The following FLT4 variants were observed in gnomAD, a reference collection of about 807,000 sequenced individuals.
FLT4 encodes fms related receptor tyrosine kinase 4.
Under a neutral mutation model 163.2 loss-of-function variants are expected in FLT4, and 30 were observed. The ratio of observed to expected loss-of-function variants is 0.18; its 90% CI spans 0.14 to 0.25. The LOEUF (loss-of-function observed/expected upper bound fraction) is 0.25. Among genes scored for constraint, FLT4 ranks in the 10% least tolerant of loss-of-function variants. FLT4 has a pLI of 1.00. For synonymous variants in FLT4, 884 were observed against 789.5 expected (o/e 1.12, Z -2.01); for missense variants, 1,510 against 1,863.8 (o/e 0.81, Z 3.50).
chr5:180,646,090 T>A (rs1006461474), intron 1 of FLT4, among the ~76,000 whole-genome samples: 37 of 152,056 alleles, frequency 2.4e-4, no homozygotes, highest in African/African-American at 8.9e-4. Context: ...TTCCCCTCTG[T>A]CCCATCATAC....
At chr5:180,631,130 G>C (rs1764090225) in intron 2 of FLT4, among the ~76,000 whole-genome samples, 1 of 152,066 alleles carries the variant, frequency 6.6e-6, no homozygotes, top group Admixed American at 6.5e-5. Context: ...CCTGGGGTCA[G>C]TGTGAGGTGT....
intron 1 of FLT4, among the ~76,000 whole-genome samples, chr5:180,639,413 G>T (rs2127858976): frequency 6.6e-6 from 1 of 151,966 alleles, no homozygotes; most frequent in Non-Finnish European, 1.5e-5. Context: ...ATGGATGAGT[G>T]GATAAAAAGA....
chr5:180,624,148 C>A (rs909023105), intron 10 of FLT4, 87 bp from the exon 11 acceptor site: 47 of 1,514,414 alleles, frequency 3.1e-5, no homozygotes, highest in Admixed American at 6.9e-5. Flanking sequence ...CTTGTCATAT[C>A]CAGTCACCTT....
At position 180,629,263 on chromosome 5, in the gene FLT4, C is replaced by A; in HGVS notation, c.981G>T (p.Val327=). 6.2e-7 allele frequency: 1 copy of A among 1,613,024 alleles called. No individual in the cohort carries two copies. ...CCCTGGTTTCCCAGGCCATACCATG[C>A]ACAATGACCTCGGTGCTCTCCCGAA... ...QRFRESTEVI[V]HENPFISVEW... Residue 327 remains valine, a synonymous_variant, in exon 7 of 30, where the codon GTG becomes GTT. Transcript: ENST00000261937.
chr5:180,629,273 T>A lies in FLT4; in HGVS notation c.971A>T (p.Glu324Val). Reference protein sequence around the residue: ...NGIQRFRESTEVIVHENPFIS... With the variant: ...NGIQRFRESTVVIVHENPFIS... ...CCAGGCCATACCATGCACAATGACC[T>A]CGGTGCTCTCCCGAAATCGCTGGAT... is the stretch of plus-strand genomic sequence containing the variant. The change falls in exon 7 of 30, where the codon GAG becomes GTG. Residue 324 changes from glutamate to valine, a missense_variant. Physicochemically the swap from Glu to Val is moderately radical, Grantham distance 121 (BLOSUM62 -2). Around this residue, in one of 5 missense-constraint regions of FLT4, gnomAD observed 163 missense variants for 281.1 expected, o/e 0.58. Transcript: ENST00000261937. 2 of 1,613,064 alleles carry A rather than the reference T, an allele frequency of 1.2e-6. No homozygotes were observed. The highest frequency in any genetic ancestry group is 8.5e-7 in the Non-Finnish European group (1 of 1,179,978).
At position 180,631,781 on chromosome 5, in the gene FLT4, G is replaced by A. The variant is rs1223062348; in HGVS notation, c.59-3C>T. The stretch of plus-strand genomic sequence containing the variant: ...CATGGAGTAGCCACTCACCAGGCCT[G>A]GGGTGGGAGACAGGGTCAGCGTGGT... On this transcript the variant is annotated splice_region_variant and splice_polypyrimidine_tract_variant and intron_variant, in intron 1 of 29. Transcript: ENST00000261937. 1.2e-6 allele frequency: 2 copies of A among 1,603,832 alleles called. No individual in the cohort carries two copies. The highest frequency in any genetic ancestry group is 8.5e-7 in the Non-Finnish European group (1 of 1,175,280).
intron 26 of FLT4, chr5:180,611,692 C>T (rs1581618208): frequency 6.5e-6 from 4 of 614,584 alleles, no homozygotes; most frequent in Non-Finnish European, 1.2e-5. Context: ...AGATAGGGCC[C>T]TAACAGACCA....
In FLT4 at chr5:180,623,814, C is replaced by T; in HGVS notation, c.1548+121G>A. The T allele has an allele frequency of 1.5e-6, 2 of 1,305,662 alleles. No homozygotes were observed. Among genetic ancestry groups the T allele is most frequent in the Non-Finnish European group, 2.2e-6 (2 of 909,358 alleles). 80.9% of individuals were successfully genotyped at this position (1,305,662 alleles called of 1,614,324 possible). ...AGGCCTACAGACTGCAGGAAGGTCA[C>T]CCGCTCTCGGCTGCTCTGCCCAGCA... On this transcript the variant is annotated intron_variant, in intron 11 of 29. Coordinates refer to ENST00000261937, the MANE Select transcript of FLT4 (RefSeq NM_182925.5). This position sits in a 1 kb window ranked among gnomAD's most constrained non-coding sequence, Gnocchi z 5.8.
At position 180,636,177 on chromosome 5, in the gene FLT4, G is replaced by A. The variant is rs566070201; in HGVS notation, c.59-4399C>T. Among the ~76,000 whole-genome samples, 42 of 152,142 alleles carry A rather than the reference G, an allele frequency of 2.8e-4. No homozygotes were observed. The South Asian group carries it at 4.4e-3, about 16-fold the overall frequency. On this transcript the variant is annotated intron_variant, in intron 1 of 29. Transcript: ENST00000261937. This position sits in a 1 kb window ranked among gnomAD's most constrained non-coding sequence, Gnocchi z 4.3. ...CTTGCCAACCCTTTTGCCCATCCACGCAAGCTTTTTCATGACATGTCTCCT... is the reference window on the plus strand; with the variant it reads ...CTTGCCAACCCTTTTGCCCATCCACACAAGCTTTTTCATGACATGTCTCCT...
At chr5:180,632,101 G>T (rs946610812) in intron 1 of FLT4, among the ~76,000 whole-genome samples, 2 of 152,180 alleles carry the variant, frequency 1.3e-5, no homozygotes, top group Admixed American at 6.5e-5. Context: ...AGGAGCGGGG[G>T]AGGGGCGCTG....
At chr5:180,610,403 C>T (rs1040072243) in intron 27 of FLT4, among the ~76,000 whole-genome samples, 2 of 152,236 alleles carry the variant, frequency 1.3e-5, no homozygotes, top group South Asian at 4.1e-4. Context: ...CACTAAGGCA[C>T]ACGTTGAGGG....
At position 180,619,236 on chromosome 5, in the gene FLT4, G is replaced by A. The variant is rs775311862; in HGVS notation, c.2761+17C>T. 2 of 1,579,814 alleles carry A rather than the reference G, an allele frequency of 1.3e-6. No individual in the cohort carries two copies. The highest frequency in any genetic ancestry group is 4.8e-5 in the East Asian group (2 of 41,942). On this transcript the variant is annotated intron_variant, in intron 19 of 29. Coordinates refer to ENST00000261937, the MANE Select transcript of FLT4 (RefSeq NM_182925.5). ...CGCCCGGGGTCTCGCCGTCCCAGCG[G>A]GCCGCCCGCTCCGTACCCTGCGGCT... is the stretch of plus-strand genomic sequence containing the variant.
chr5:180,627,757 G>A (rs1481545787), intron 8 of FLT4, among the ~76,000 whole-genome samples: 1 of 152,184 alleles, frequency 6.6e-6, no homozygotes, highest in Admixed American at 6.5e-5. Flanking sequence ...CCCAGAGCAG[G>A]CTCAGTAATG....
At position 180,617,001 on chromosome 5, in the gene FLT4, A is replaced by G; in HGVS notation, c.3002-7T>C. On this transcript the variant is annotated splice_polypyrimidine_tract_variant and splice_region_variant and intron_variant, in intron 21 of 29. Coordinates refer to ENST00000261937, the MANE Select transcript of FLT4 (RefSeq NM_182925.5). ...CTCAGCCACAGGTCCTCAGCTACAC[A>G]GTGGAGCCAGGTGGGCTCAGGAGGC... 6.2e-7 allele frequency: 1 copy of G among 1,611,230 alleles called. No individual in the cohort carries two copies.
At chr5:180,619,595 T>A (rs1480675292) in intron 18 of FLT4, 70 bp downstream of exon 18, 3 of 1,266,318 alleles carry the variant, frequency 2.4e-6, no homozygotes, top group Non-Finnish European at 3.5e-6. Context: ...CGAGTTGCCG[T>A]CCCACCGGCC....
Position 180,629,317 on chromosome 5 carries a change from C to T in FLT4, c.927G>A (p.Val309=). The T allele has an allele frequency of 4.3e-6, 7 of 1,613,348 alleles. No individual in the cohort carries two copies. The highest frequency in any genetic ancestry group is 5.9e-6 in the Non-Finnish European group (7 of 1,180,020). ...GCTGGATGCCGTTGTTGGCCTTGCA[C>T]ACATACGAGCCCAGGTCGTGCTGGC... ...NVSQHDLGSY[V]CKANNGIQRF... is the part of the protein sequence containing the mutation. Residue 309 remains valine, a synonymous_variant, in exon 7 of 30, where the codon GTG becomes GTA. Coordinates refer to ENST00000261937, the MANE Select transcript of FLT4 (RefSeq NM_182925.5).
intron 8 of FLT4, among the ~76,000 whole-genome samples, chr5:180,626,917 C>T (rs943916817): frequency 1.3e-4 from 20 of 152,228 alleles, no homozygotes; most frequent in African/African-American, 3.6e-4. Flanking sequence ...TGGGTGGGGG[C>T]GTGCAGCCTT....
At chr5:180,649,621 G>C (rs995645078), upstream of FLT4, 1 of 821,578 alleles carries the variant, frequency 1.2e-6, no homozygotes, top group East Asian at 4.8e-5. Flanking sequence ...GCGCCGGCTG[G>C]CCTGGGGCGG....
In FLT4 at chr5:180,621,191, C is replaced by T. The variant is rs761304404; in HGVS notation, c.2082G>A (p.Ser694=). 19 of 1,612,684 alleles carry T rather than the reference C, an allele frequency of 1.2e-5. No individual in the cohort carries two copies. The East Asian group carries it at 2.9e-4, about 25-fold the overall frequency. The change falls in exon 14 of 30, where the codon TCG becomes TCA. Residue 694 remains serine, a synonymous_variant. Transcript: ENST00000261937. ...CGGCCACCAAGCACTGCATCTCCAG[C>T]GAGTCGCTCACGTTCACCAGGAGGT... ...LTDLLVNVSD[S]LEMQCLVAGA...
Sources: gnomAD v4.1 joint callset for allele counts (sites outside exome capture counted in the v4.1 genomes callset) on GRCh38, gnomAD v4.1.1 for gene constraint, gnomAD v4.1.1 regional missense constraint, Gnocchi (gnomAD v3.1) non-coding constraint, MANE v1.5 for transcripts, NCBI Gene and HGNC (gene_info 2026-07-23, HGNC 2026-07-21) for gene names.